The following MTHFD2L variants were observed in gnomAD, a reference collection of about 807,000 sequenced individuals.
MTHFD2L encodes the protein bifunctional methylenetetrahydrofolate dehydrogenase/cyclohydrolase 2, mitochondrial.
A neutral mutation model predicts 34.9 loss-of-function variants in MTHFD2L; 29 were observed. That is an observed-to-expected ratio of 0.83 (90% CI 0.62 to 1.13). MTHFD2L has a LOEUF of 1.13. Among genes scored for constraint, MTHFD2L ranks in the 50% most tolerant of loss-of-function variants. The pLI is 0.00. For synonymous variants in MTHFD2L, 167 were observed against 155.7 expected, an observed-to-expected ratio of 1.07 and a Z score of -0.54; for missense variants, 481 against 446.5, an observed-to-expected ratio of 1.08 and a Z score of -0.70.
intron 3 of MTHFD2L, among the ~76,000 whole-genome samples, chr4:74,181,176 T>C (rs1159236681): frequency 6.6e-6 from 1 of 152,094 alleles, no homozygotes; most frequent in Non-Finnish European, 1.5e-5. Flanking sequence ...CAGGGTGAAT[T>C]TGATTTAAGA....
intron 6 of MTHFD2L, chr4:74,266,741 C>T: frequency 6.0e-6 from 3 of 497,470 alleles, no homozygotes; most frequent in Non-Finnish European, 7.8e-6. Context: ...AAGGTCTCCA[C>T]TTCTCTCCTG....
intron 3 of MTHFD2L, among the ~76,000 whole-genome samples, chr4:74,187,060 G>T (rs978322733): frequency 6.6e-6 from 1 of 152,136 alleles, no homozygotes; most frequent in Non-Finnish European, 1.5e-5. Context: ...GTACAGAAAA[G>T]AATGCGATTT....
chr4:74,144,228 G>A (rs533446820), intron 1 of MTHFD2L, among the ~76,000 whole-genome samples: 2 of 152,252 alleles, frequency 1.3e-5, no homozygotes, highest in South Asian at 4.1e-4. Flanking sequence ...TGAGGCAGGT[G>A]GATAACCTGA....
At chr4:74,235,751 CT>C (rs1349692734) in intron 6 of MTHFD2L, among the ~76,000 whole-genome samples, 2 of 152,082 alleles carry the variant, frequency 1.3e-5, no homozygotes, top group African/African-American at 4.8e-5. Context: ...GAAAGATAGC[CT>C]ATTCTTATTC....
At chr4:74,175,151 C>A in intron 2 of MTHFD2L, 130 bp from the exon 3 acceptor site, 2 of 979,202 alleles carry the variant, frequency 2.0e-6, no homozygotes, top group Non-Finnish European at 1.5e-6. Context: ...TGGAGAAATC[C>A]TTCCTGATGA....
At chr4:74,271,541 G>A (rs1180048887) in intron 6 of MTHFD2L, among the ~76,000 whole-genome samples, 3 of 152,108 alleles carry the variant, frequency 2.0e-5, no homozygotes, top group Non-Finnish European at 4.4e-5. Context: ...TCTCTATTTT[G>A]GTACCAGTAC....
At chr4:74,163,847 A>G (rs1252334589) in intron 1 of MTHFD2L, among the ~76,000 whole-genome samples, 3 of 151,978 alleles carry the variant, frequency 2.0e-5, no homozygotes, top group Non-Finnish European at 2.9e-5. Context: ...TAATCATTCT[A>G]TTAGGATTTT....
chr4:74,287,293 A>C (rs142921981), intron 7 of MTHFD2L, among the ~76,000 whole-genome samples: 1 of 152,238 alleles, frequency 6.6e-6, no homozygotes, highest in East Asian at 1.9e-4. Context: ...GCCATGCTGA[A>C]ATTCTGGTTT....
chr4:74,152,452 C>G (rs1241296104), intron 1 of MTHFD2L, among the ~76,000 whole-genome samples: 1 of 151,922 alleles, frequency 6.6e-6, no homozygotes, highest in Non-Finnish European at 1.5e-5. Flanking sequence ...TTGAGAATTC[C>G]CTTACAGAAA....
intron 6 of MTHFD2L, among the ~76,000 whole-genome samples, chr4:74,238,630 TAAAC>T (rs774381370): frequency 5.3e-5 from 8 of 152,084 alleles, no homozygotes; most frequent in Non-Finnish European, 8.8e-5. Context: ...ACAAGAAACT[TAAAC>T]AAAGTTACAA....
rs1743239141 is a variant in MTHFD2L at position 74,251,043 on chromosome 4, G to GA, written c.805+25650dup. Among the ~76,000 whole-genome samples, 10 of 152,164 alleles carry GA rather than the reference G, an allele frequency of 6.6e-5. No individual in the cohort carries two copies. The South Asian group carries it at 2.1e-3, about 32-fold the overall frequency. On this transcript the variant is annotated intron_variant, in intron 6 of 7. Transcript: ENST00000325278. ...TTATTTATGGCTTCTCCTTCTCCACGACTTCAGATTGACTCCCTAGGAGCC... is the reference window on the plus strand; with the variant it reads ...TTATTTATGGCTTCTCCTTCTCCACGAACTTCAGATTGACTCCCTAGGAGCC...
chr4:74,259,290 A>G (rs183025121), intron 6 of MTHFD2L, among the ~76,000 whole-genome samples: 2 of 152,294 alleles, frequency 1.3e-5, no homozygotes, highest in East Asian at 3.9e-4. Flanking sequence ...GCACCCACTC[A>G]TAGGGTAGAA....
intron 5 of MTHFD2L, among the ~76,000 whole-genome samples, chr4:74,207,225 TG>T (rs35194967): frequency 6.6e-6 from 1 of 152,190 alleles, no homozygotes; most frequent in African/African-American, 2.4e-5. Context: ...AAGTTTCTCT[TG>T]GCATACTTTT....
chr4:74,130,222 C>A (rs926803277), intron 1 of MTHFD2L, among the ~76,000 whole-genome samples: 2 of 152,124 alleles, frequency 1.3e-5, no homozygotes, highest in Non-Finnish European at 2.9e-5. Context: ...GAGACTCCTC[C>A]CTAACTCATT....
At chr4:74,163,500 G>A (rs983926843) in intron 1 of MTHFD2L, among the ~76,000 whole-genome samples, 1 of 151,850 alleles carries the variant, frequency 6.6e-6, no homozygotes, top group Admixed American at 6.6e-5. Context: ...AACTGGATAC[G>A]AAGAAGAGTC....
intron 5 of MTHFD2L, among the ~76,000 whole-genome samples, chr4:74,215,458 C>T (rs757371942): frequency 2.6e-5 from 4 of 151,816 alleles, no homozygotes; most frequent in Non-Finnish European, 5.9e-5. Flanking sequence ...GGGAATTCCT[C>T]TACCCCTTGT....
chr4:74,157,816 T>C (rs1204591120), upstream of MTHFD2L: 1 of 540,940 alleles, frequency 1.8e-6, no homozygotes, highest in East Asian at 4.6e-5. Context: ...GGAGGCCTTC[T>C]CTGTGCCGTC....
At chr4:74,192,999 T>C (rs1440670054) in intron 3 of MTHFD2L, among the ~76,000 whole-genome samples, 1 of 152,126 alleles carries the variant, frequency 6.6e-6, no homozygotes, top group Non-Finnish European at 1.5e-5. Flanking sequence ...TGTTTTGTGT[T>C]ATTTTTAAGA....
chr4:74,163,087 C>A (rs901858996), intron 1 of MTHFD2L, among the ~76,000 whole-genome samples: 1 of 138,238 alleles, frequency 7.2e-6, no homozygotes, highest in East Asian at 2.1e-4. Flanking sequence ...TTTTTTTTTT[C>A]CATTGTTAGT....
Sources: allele counts gnomAD v4.1 joint callset (sites outside exome capture counted in the v4.1 genomes callset), GRCh38; gene constraint gnomAD v4.1.1; transcripts MANE v1.5; gene names NCBI Gene and HGNC (gene_info 2026-07-23, HGNC 2026-07-21).